WSCD2: variants seen among roughly 807,000 people sequenced by gnomAD.
The protein encoded by WSCD2 is WSC domain sialate O sulfotransferase 2.
WSCD2 carries 28 observed loss-of-function variants against 55.7 expected under a neutral mutation model. That is an observed-to-expected ratio of 0.50 (90% CI 0.37 to 0.69). The LOEUF (loss-of-function observed/expected upper bound fraction) is 0.69. Among genes scored for constraint, WSCD2 ranks in the 30% least tolerant of loss-of-function variants. The pLI is 0.00. For missense variants in WSCD2, 616 were observed against 762.1 expected (o/e 0.81, Z 2.26); for synonymous variants, 301 against 301.9 (o/e 1.00, Z 0.03).
At chr12:108,133,752 G>A (rs959588836) in intron 1 of WSCD2, among the ~76,000 whole-genome samples, 2 of 151,128 alleles carry the variant, frequency 1.3e-5, no homozygotes, top group Non-Finnish European at 3.0e-5. Flanking sequence ...CCCTGCCCCC[G>A]CCTCCCTCAC....
chr12:108,240,267 T>G, intron 7 of WSCD2, 77 bp from the exon 8 acceptor site: 1 of 1,560,162 alleles, frequency 6.4e-7, no homozygotes. Flanking sequence ...ATTCCCGAGG[T>G]GGCCCAGAAG....
At chr12:108,184,680 C>T (rs1344692098) in intron 1 of WSCD2, among the ~76,000 whole-genome samples, 2 of 152,202 alleles carry the variant, frequency 1.3e-5, no homozygotes, top group Admixed American at 6.5e-5. Flanking sequence ...CAGACTTGAA[C>T]TAGCTGGTGT....
At chr12:108,245,774 C>T (rs1031452380) in intron 8 of WSCD2, among the ~76,000 whole-genome samples, 12 of 152,224 alleles carry the variant, frequency 7.9e-5, no homozygotes, top group African/African-American at 2.9e-4. Context: ...TTCCTAATTA[C>T]TCAGATACAT....
intron 4 of WSCD2, among the ~76,000 whole-genome samples, chr12:108,215,794 C>G (rs565178234): frequency 1.3e-5 from 2 of 152,334 alleles, no homozygotes; most frequent in African/African-American, 4.8e-5. Context: ...ACATTTACCT[C>G]ATTTTTGTGA....
intron 7 of WSCD2, among the ~76,000 whole-genome samples, chr12:108,239,615 G>C (rs1383363956): frequency 6.6e-6 from 1 of 152,214 alleles, no homozygotes; most frequent in African/African-American, 2.4e-5. Flanking sequence ...ACATGGCCAT[G>C]CCCATCATCA....
intron 1 of WSCD2, among the ~76,000 whole-genome samples, chr12:108,178,457 G>A (rs74353256): frequency 2.6e-5 from 4 of 152,242 alleles, no homozygotes; most frequent in Middle Eastern, 3.4e-3. Context: ...TTCAAATCAT[G>A]ACACGATTGT....
At chr12:108,164,161 T>TTTTTTTTTTTTTTTTTTTTTG (rs1555224811) in intron 1 of WSCD2, among the ~76,000 whole-genome samples, 8 of 146,086 alleles carry the variant, frequency 5.5e-5, no homozygotes, top group Non-Finnish European at 1.1e-4. Flanking sequence ...TTTTTTTTTT[T>TTTTTTTTTTTTTTTTTTTTTG]TCAGAGAGGG....
At chr12:108,246,126 G>C (rs928558520) in intron 8 of WSCD2, among the ~76,000 whole-genome samples, 2 of 152,266 alleles carry the variant, frequency 1.3e-5, no homozygotes, top group Non-Finnish European at 2.9e-5. Flanking sequence ...GCCTGATCTG[G>C]ACGGTCCTTC....
chr12:108,148,877 G>C (rs998996711), intron 1 of WSCD2, among the ~76,000 whole-genome samples: 1 of 152,214 alleles, frequency 6.6e-6, no homozygotes, highest in African/African-American at 2.4e-5. Flanking sequence ...CTGAGGATCA[G>C]AGAGGTGGAG....
chr12:108,240,550 G>A lies in WSCD2; in HGVS notation c.1345+6G>A. 1 of 1,601,846 alleles carries A rather than the reference G, an allele frequency of 6.2e-7. No homozygotes were observed. Among genetic ancestry groups the A allele is most frequent in the South Asian group, 1.1e-5 (1 of 90,900 alleles). ...TGCCCACTGGAAGGGCAAAGGTACA[G>A]CTCGGGAGAGGAGGGGAGGGGAGGG... On this transcript the variant is annotated splice_donor_region_variant and intron_variant, in intron 8 of 8. Coordinates refer to ENST00000547525, the MANE Select transcript of WSCD2 (RefSeq NM_014653.4).
intron 5 of WSCD2, 70 bp from the exon 6 acceptor site, chr12:108,226,920 C>A: frequency 6.6e-7 from 1 of 1,512,692 alleles, no homozygotes; most frequent in South Asian, 1.3e-5. Context: ...ATCCTGTTCT[C>A]CATTTGGAGT....
intron 1 of WSCD2, among the ~76,000 whole-genome samples, chr12:108,134,232 C>A (rs559478537): frequency 1.3e-5 from 2 of 152,262 alleles, no homozygotes; most frequent in South Asian, 2.1e-4. Flanking sequence ...GTTCCCATTT[C>A]CTCCCTCCTC....
At chr12:108,136,910 T>G (rs1471654434) in intron 1 of WSCD2, among the ~76,000 whole-genome samples, 7 of 152,218 alleles carry the variant, frequency 4.6e-5, no homozygotes, top group Admixed American at 4.6e-4. Context: ...CATGGGTTTA[T>G]CAGTGAGGCT....
At chr12:108,229,122 A>G (rs1888462322) in intron 6 of WSCD2, among the ~76,000 whole-genome samples, 1 of 152,148 alleles carries the variant, frequency 6.6e-6, no homozygotes, top group Non-Finnish European at 1.5e-5. Flanking sequence ...TCACTCTTGC[A>G]GTTTCTACAC....
At chr12:108,200,655 C>T (rs780724483) in intron 2 of WSCD2, among the ~76,000 whole-genome samples, 2 of 152,160 alleles carry the variant, frequency 1.3e-5, no homozygotes, top group African/African-American at 4.8e-5. Context: ...ATTAAAAGTT[C>T]TTCTACAATA....
intron 3 of WSCD2, among the ~76,000 whole-genome samples, chr12:108,207,084 A>G (rs1885485868): frequency 6.6e-6 from 1 of 150,668 alleles, no homozygotes; most frequent in Non-Finnish European, 1.5e-5. Flanking sequence ...ATGCACTGGG[A>G]CTAGGGGGGA....
chr12:108,238,230 G>A (rs1214568253), intron 7 of WSCD2, among the ~76,000 whole-genome samples: 1 of 152,140 alleles, frequency 6.6e-6, no homozygotes, highest in African/African-American at 2.4e-5. Flanking sequence ...GCTTCCCATT[G>A]ACCTCAAAGG....
At chr12:108,225,117 A>G (rs1887938823) in intron 5 of WSCD2, among the ~76,000 whole-genome samples, 1 of 152,166 alleles carries the variant, frequency 6.6e-6, no homozygotes, top group Non-Finnish European at 1.5e-5. Flanking sequence ...TTATTAGTCC[A>G]TTTTCATACT....
At chr12:108,214,280 G>A (rs961431758) in intron 4 of WSCD2, among the ~76,000 whole-genome samples, 1 of 152,224 alleles carries the variant, frequency 6.6e-6, no homozygotes, top group Non-Finnish European at 1.5e-5. Flanking sequence ...GACCATTCTG[G>A]TGGGGCATCT....
Sources: allele counts gnomAD v4.1 joint callset (sites outside exome capture counted in the v4.1 genomes callset), GRCh38; gene constraint gnomAD v4.1.1; transcripts MANE v1.5; gene names NCBI Gene and HGNC (gene_info 2026-07-23, HGNC 2026-07-21).